Variants in SNAP25 observed in about 807,000 individuals in gnomAD.
SNAP25 encodes the protein synaptosomal-associated protein 25.
SNAP25 carries 3 observed loss-of-function variants against 28.7 expected under a neutral mutation model. The ratio of observed to expected loss-of-function variants is 0.10; its 90% confidence interval spans 0.05 to 0.27. The LOEUF (loss-of-function observed/expected upper bound fraction) is 0.27. Among genes scored for constraint, SNAP25 ranks in the 10% least tolerant of loss-of-function variants. The pLI is 1.00. For missense variants in SNAP25, 117 were observed against 278.7 expected, an observed-to-expected ratio of 0.42 and a Z score of 4.13; for synonymous variants, 61 against 88.1, an observed-to-expected ratio of 0.69 and a Z score of 1.72.
intron 1 of SNAP25, among the ~76,000 whole-genome samples, chr20:10,243,526 T>C (rs2063071650): frequency 6.6e-6 from 1 of 152,208 alleles, no homozygotes; most frequent in Non-Finnish European, 1.5e-5. Flanking sequence ...TTGTTGTTCA[T>C]GGCCTTGAGA....
chr20:10,271,368 C>G (rs556837995), intron 1 of SNAP25, among the ~76,000 whole-genome samples: 92 of 152,308 alleles, frequency 6.0e-4, no homozygotes, highest in Admixed American at 9.8e-4. Flanking sequence ...CGCTCAGCGC[C>G]CACTCTCCAG....
At chr20:10,226,947 A>G (rs1457647995) in intron 1 of SNAP25, among the ~76,000 whole-genome samples, 1 of 152,110 alleles carries the variant, frequency 6.6e-6, no homozygotes, top group Non-Finnish European at 1.5e-5. Flanking sequence ...AGCTTTAAGA[A>G]ACATGGTACC....
At chr20:10,234,069 CATAG>C (rs1244559378) in intron 1 of SNAP25, among the ~76,000 whole-genome samples, 1 of 152,178 alleles carries the variant, frequency 6.6e-6, no homozygotes, top group Non-Finnish European at 1.5e-5. Context: ...CCATGTCCTA[CATAG>C]ATAGACTTAA....
In SNAP25 at chr20:10,267,802, G is replaced by A. The variant is rs937587287; in HGVS notation, c.-63-7627G>A. On this transcript the variant is annotated intron_variant, in intron 1 of 7. Transcript: ENST00000254976. ...CTTGACCTTGTGATCTGCCCGCCTC[G>A]GCCTCCCAAAGTGCTGGGATTATAG... Among the ~76,000 whole-genome samples, 11 of 152,226 alleles carry A rather than the reference G, an allele frequency of 7.2e-5. No individual in the cohort carries two copies. The South Asian group carries it at 8.3e-4, about 11-fold the overall frequency.
At chr20:10,280,256 A>G (rs1235972965) in intron 3 of SNAP25, among the ~76,000 whole-genome samples, 1 of 152,196 alleles carries the variant, frequency 6.6e-6, no homozygotes, top group Non-Finnish European at 1.5e-5. Context: ...CTTGCTTTTT[A>G]ATAGTCATCA....
chr20:10,240,886 G>A (rs1170144214), intron 1 of SNAP25, among the ~76,000 whole-genome samples: 1 of 152,198 alleles, frequency 6.6e-6, no homozygotes, highest in African/African-American at 2.4e-5. Context: ...TTTGCCATTA[G>A]CGACCTGGGG....
Position 10,275,537 on chromosome 20 carries a change from C to A in SNAP25, c.46C>A (p.Arg16=). 2 of 1,602,982 alleles carry A rather than the reference C, an allele frequency of 1.2e-6. No homozygotes were observed. The highest frequency in any genetic ancestry group is 1.3e-5 in the African/African-American group (1 of 74,892). Residue 16 remains arginine (R), a synonymous_variant, in exon 2 of 8, where the codon CGA becomes AGA. Coordinates refer to ENST00000254976, the MANE Select transcript of SNAP25 (RefSeq NM_130811.4). ...GCGCAATGAGCTGGAGGAGATGCAG[C>A]GAAGGGCTGACCAGTTGGCTGATGA... ...DMRNELEEMQ[R]RADQLADESL...
At chr20:10,232,015 G>A (rs1295933430) in intron 1 of SNAP25, among the ~76,000 whole-genome samples, 1 of 152,182 alleles carries the variant, frequency 6.6e-6, no homozygotes, top group African/African-American at 2.4e-5. Flanking sequence ...CAAATGTTGA[G>A]CAGTCAAGCC....
chr20:10,220,885 G>T (rs533892640), intron 1 of SNAP25, among the ~76,000 whole-genome samples: 1 of 152,180 alleles, frequency 6.6e-6, no homozygotes, highest in African/African-American at 2.4e-5. Flanking sequence ...AATTTCATTC[G>T]CTGCTATTTA....
chr20:10,252,705 C>T (rs2063252519), intron 1 of SNAP25, among the ~76,000 whole-genome samples: 1 of 151,438 alleles, frequency 6.6e-6, no homozygotes, highest in South Asian at 2.1e-4. Context: ...TACATAATCC[C>T]CAGGCAGTCC....
In SNAP25 at chr20:10,222,484, G is replaced by A. The variant is rs2062652574; in HGVS notation, c.-64+3507G>A. Among the ~76,000 whole-genome samples, 3 of 152,268 alleles carry A rather than the reference G, an allele frequency of 2.0e-5. No individual in the cohort carries two copies. In the South Asian group the frequency reaches 6.2e-4, roughly 32 times the overall value. Reference sequence around the variant, plus strand: ...GTTAGGCAAGCCCACTCTACAGTTGGCAAACCCTGAAAATGCCCATTGATT... The same window carrying A: ...GTTAGGCAAGCCCACTCTACAGTTGACAAACCCTGAAAATGCCCATTGATT... On this transcript the variant is annotated intron_variant, in intron 1 of 7. Transcript: ENST00000254976.
Position 10,293,057 on chromosome 20 carries a change from T to A in SNAP25, c.164-104T>A. 1 of 1,474,334 alleles carries A rather than the reference T, an allele frequency of 6.8e-7. No homozygotes were observed. Among genetic ancestry groups the A allele is most frequent in the Non-Finnish European group, 9.2e-7 (1 of 1,086,066 alleles). The allele number at this position is 1,474,334 out of a possible 1,614,324, so 91.3% of individuals were successfully genotyped here. On this transcript the variant is annotated intron_variant, in intron 4 of 7. Coordinates refer to ENST00000254976, the MANE Select transcript of SNAP25 (RefSeq NM_130811.4). The surrounding 1 kb of genome is among the most constrained non-coding windows in gnomAD (Gnocchi z 5.6). ...GTCCAGTTTTCTTTCTTTTTTTTTT[T>A]TTCTTTTTTAATGTCAAAGTGAATG...
At chr20:10,278,677 C>G (rs970672992) in intron 3 of SNAP25, among the ~76,000 whole-genome samples, 1 of 152,038 alleles carries the variant, frequency 6.6e-6, no homozygotes, top group Admixed American at 6.5e-5. Context: ...ATTAAATGAG[C>G]CTACTCCCCT....
At chr20:10,261,954 C>A (rs2063420555) in intron 1 of SNAP25, among the ~76,000 whole-genome samples, 1 of 152,112 alleles carries the variant, frequency 6.6e-6, no homozygotes, top group Non-Finnish European at 1.5e-5. Context: ...AAAAATAACA[C>A]AAAGTGCCAA....
At chr20:10,247,532 A>G (rs1278555784) in intron 1 of SNAP25, among the ~76,000 whole-genome samples, 1 of 152,244 alleles carries the variant, frequency 6.6e-6, no homozygotes, top group African/African-American at 2.4e-5. Flanking sequence ...AAAAATTTAG[A>G]TTAAGTCAGG....
intron 1 of SNAP25, among the ~76,000 whole-genome samples, chr20:10,225,234 GA>G (rs3838033): frequency 2.8e-4 from 40 of 144,712 alleles, no homozygotes; most frequent in African/African-American, 4.4e-4. Context: ...TCCCGGAGGG[GA>G]AAAAAAAAAA....
Position 10,277,676 on chromosome 20 carries a change from A to G in SNAP25, c.73-9A>G, listed in dbSNP as rs371883444. 1.1e-4 allele frequency: 182 copies of G among 1,612,438 alleles called. No homozygotes were observed. Among genetic ancestry groups the G allele is most frequent in the Non-Finnish European group, 1.5e-4 (172 of 1,179,486 alleles). On this transcript the variant is annotated splice_polypyrimidine_tract_variant and intron_variant, in intron 2 of 7. Coordinates refer to ENST00000254976, the MANE Select transcript of SNAP25 (RefSeq NM_130811.4). ...TAAAGTTTATGTTTGTTTGTTTTTT[A>G]AATCTTAGTCGCTGGAAAGCACCCG... is the stretch of plus-strand genomic sequence containing the variant.
intron 5 of SNAP25, among the ~76,000 whole-genome samples, chr20:10,294,765 C>G (rs898710084): frequency 4.9e-5 from 7 of 144,264 alleles, no homozygotes; most frequent in Non-Finnish European, 1.1e-4. Flanking sequence ...CCCCACTGTT[C>G]ATTAAGAAAG....
chr20:10,290,871 A>G (rs376650946), intron 4 of SNAP25, among the ~76,000 whole-genome samples: 1 of 152,118 alleles, frequency 6.6e-6, no homozygotes, highest in East Asian at 1.9e-4. Context: ...TGGCATCCCT[A>G]TTGTCTGTAT....
Sources: allele counts gnomAD v4.1 joint callset (sites outside exome capture counted in the v4.1 genomes callset), GRCh38; gene constraint gnomAD v4.1.1; non-coding constraint Gnocchi (gnomAD v3.1); transcripts MANE v1.5; gene names NCBI Gene and HGNC (gene_info 2026-07-23, HGNC 2026-07-21).